The following ANK2 variants were observed in gnomAD, a reference collection of about 807,000 sequenced individuals.
ANK2 encodes the protein ankyrin-2.
A neutral mutation model predicts 360.5 loss-of-function variants in ANK2; 83 were observed. The ratio of observed to expected loss-of-function variants is 0.23; its 90% CI spans 0.19 to 0.28. The LOEUF is 0.28. Ranked by LOEUF, ANK2 falls within the 10% of genes least tolerant of loss-of-function variation. The probability of loss-of-function intolerance (pLI) is 1.00; values close to 1 mark genes in which losing one functional copy is unlikely to be tolerated. For missense variants in ANK2, 4,201 were observed against 4,795.7 expected, an observed-to-expected ratio of 0.88 and a Z score of 3.66; for synonymous variants, 1,740 against 1,759.5, an observed-to-expected ratio of 0.99 and a Z score of 0.28.
intron 22 of ANK2, among the ~76,000 whole-genome samples, chr4:113,301,096 A>G (rs1217593420): frequency 6.6e-6 from 1 of 152,064 alleles, no homozygotes; most frequent in East Asian, 1.9e-4. Flanking sequence ...AAACTAGACA[A>G]CCTATTTTTT....
chr4:112,977,447 T>C (rs964124291), intron 2 of ANK2, among the ~76,000 whole-genome samples: 1 of 152,078 alleles, frequency 6.6e-6, no homozygotes, highest in African/African-American at 2.4e-5. Context: ...GAGTGTAATG[T>C]CTTTCATGAA....
chr4:113,333,567 T>G (rs879165349), intron 29 of ANK2, among the ~76,000 whole-genome samples: 1 of 152,204 alleles, frequency 6.6e-6, no homozygotes, highest in Admixed American at 6.5e-5. Flanking sequence ...GAACTGATAC[T>G]GGATAATAAA....
upstream of ANK2, among the ~76,000 whole-genome samples, chr4:112,813,291 G>A (rs2055435508): frequency 6.7e-6 from 1 of 149,384 alleles, no homozygotes; most frequent in African/African-American, 2.5e-5. Flanking sequence ...ACTTTCAATG[G>A]AACAAAAACA....
chr4:112,711,389 C>G, the ANK2 span, among the ~76,000 whole-genome samples: 1 of 152,000 alleles, frequency 6.6e-6, no homozygotes, highest in South Asian at 2.1e-4. Context: ...TGGGTATGGT[C>G]GTGGGTGCCT....
intron 1 of ANK2, among the ~76,000 whole-genome samples, chr4:112,828,361 G>A (rs72906869): frequency 0.027 from 3,976 of 148,890 alleles, 158 homozygotes; most frequent in African/African-American, 0.092. Context: ...AGCCTCCCTC[G>A]TAGCTGGAAT....
intron 2 of ANK2, among the ~76,000 whole-genome samples, chr4:112,913,082 TA>T (rs958549301): frequency 2.0e-5 from 3 of 152,066 alleles, no homozygotes; most frequent in African/African-American, 7.2e-5. Context: ...TATGTAACCG[TA>T]AAAAAACTCA....
the ANK2 span, among the ~76,000 whole-genome samples, chr4:112,773,811 A>AT: frequency 1.3e-5 from 2 of 151,886 alleles, no homozygotes; most frequent in East Asian, 1.9e-4. Context: ...TAATTAATTT[A>AT]TTTTTTTGAT....
In ANK2 at chr4:112,941,279, G is replaced by GTA. The variant is rs561019491; in HGVS notation, c.21+36774_21+36775dup. Among the ~76,000 whole-genome samples, 206 of 146,272 alleles carry GTA rather than the reference G, an allele frequency of 1.4e-3. 1 individual carries two copies. Among genetic ancestry groups the GTA allele is most frequent in the African/African-American group, 4.8e-3 (192 of 40,326 alleles). On this transcript the variant is annotated intron_variant, in intron 2 of 30. Transcript: ENST00000503271. ...TAAAAGATACAGAAAAGATATATAGGTATATATATAAAGATATATAAATTT... is the reference window on the plus strand; with the variant it reads ...TAAAAGATACAGAAAAGATATATAGGTATATATATATAAAGATATATAAATTT...
chr4:113,038,498 C>T (rs780138758), intron 2 of ANK2, among the ~76,000 whole-genome samples: 1 of 151,918 alleles, frequency 6.6e-6, no homozygotes, highest in Non-Finnish European at 1.5e-5. Context: ...TCTGCTTTCT[C>T]TCTCTCTGGC....
intron 1 of ANK2, among the ~76,000 whole-genome samples, chr4:113,164,973 ATGT>A (rs1424111781): frequency 6.6e-6 from 1 of 152,174 alleles, no homozygotes; most frequent in Non-Finnish European, 1.5e-5. Flanking sequence ...CTCGACCCAA[ATGT>A]TGTTATAGGT....
chr4:112,951,986 G>A (rs2095052036), intron 2 of ANK2, among the ~76,000 whole-genome samples: 3 of 152,090 alleles, frequency 2.0e-5, no homozygotes, highest in South Asian at 4.1e-4. Context: ...TAAATCTGAC[G>A]TGTGATGTAC....
Position 113,353,616 on chromosome 4 carries a change from T to C in ANK2, c.4998T>C (p.Cys1666=), listed in dbSNP as rs773280654. The part of the protein sequence containing the change: ...QTVQDKAGKK[C]EALAVGRSSE... ...TTCAAGATAAGGCAGGGAAGAAATG[T>C]GAGGCTCTGGCTGTTGGCAGGAGCT... is the stretch of plus-strand genomic sequence containing the variant. Residue 1666 remains cysteine, a synonymous_variant, in exon 38 of 46, where the codon TGT becomes TGC. Coordinates refer to ENST00000357077, the MANE Select transcript of ANK2 (RefSeq NM_001148.6). The C allele has an allele frequency of 1.9e-6, 3 of 1,614,012 alleles. No individual in the cohort carries two copies. The South Asian group carries it at 3.3e-5, about 18-fold the overall frequency.
At chr4:112,817,487 A>C (rs1280279426), upstream of ANK2, among the ~76,000 whole-genome samples, 1 of 152,110 alleles carries the variant, frequency 6.6e-6, no homozygotes, top group East Asian at 1.9e-4. Context: ...TTTCTGTTGG[A>C]CTATATGTGA....
chr4:112,754,111 G>GTATATATATA, the ANK2 span, among the ~76,000 whole-genome samples: 402 of 111,372 alleles, frequency 3.6e-3, 8 homozygotes, highest in African/African-American at 0.013. Context: ...AAAAAAAAAA[G>GTATATATATA]TATATATATA....
At chr4:113,156,992 A>C (rs2097327769) in intron 1 of ANK2, among the ~76,000 whole-genome samples, 1 of 152,034 alleles carries the variant, frequency 6.6e-6, no homozygotes, top group Non-Finnish European at 1.5e-5. Flanking sequence ...AAAGGCATGA[A>C]AGGGCATAGA....
intron 23 of ANK2, among the ~76,000 whole-genome samples, chr4:113,308,377 G>A (rs2078250353): frequency 6.6e-6 from 1 of 152,152 alleles, no homozygotes; most frequent in South Asian, 2.1e-4. Context: ...GAAAATTTAG[G>A]TGGAGAAGTC....
Position 113,145,171 on chromosome 4 carries a change from A to T in ANK2, c.85-29245A>T, listed in dbSNP as rs547302105. On this transcript the variant is annotated intron_variant, in intron 1 of 45. Coordinates refer to ENST00000357077, the MANE Select transcript of ANK2 (RefSeq NM_001148.6). ...AAACTACACAATTATAAAAACCAAA[A>T]CTTCTATACCAGTGTCAGGTGAGCC... is the stretch of plus-strand genomic sequence containing the variant. 3.3e-5 allele frequency among the ~76,000 whole-genome samples: 5 copies of T among 152,244 alleles called. No homozygotes were observed. The East Asian group carries it at 9.7e-4, about 29-fold the overall frequency.
Position 113,307,724 on chromosome 4 carries a change from C to A in ANK2, c.2549-3531C>A, listed in dbSNP as rs2077941709. On this transcript the variant is annotated intron_variant, in intron 23 of 45. Transcript: ENST00000357077. ...GGCCGCCGTTCCACTTTAAGTTATT[C>A]CCATGCTATTGTCACCCGTGTCCTA... 2.0e-5 allele frequency among the ~76,000 whole-genome samples: 3 copies of A among 152,144 alleles called. No individual in the cohort carries two copies. The South Asian group carries it at 6.2e-4, about 32-fold the overall frequency.
In ANK2 at chr4:113,356,239, C is replaced by G. The variant is rs771463807; in HGVS notation, c.7621C>G (p.Pro2541Ala). The change falls in exon 38 of 46, where the codon CCC (proline) becomes GCC (alanine). Residue 2541 changes from proline (P) to alanine (A), a missense_variant. This residue lies in a region of ANK2 where 2,642 missense variants were observed against 2,714.5 expected (regional missense o/e 0.97). Transcript: ENST00000357077. The part of the protein sequence containing the change: ...SGKSPLSPDT[P>A]SSEEVSYEVT... ...GAAGAGCCCCCTTTCTCCTGACACC[C>G]CCAGCTCTGAAGAAGTCAGCTATGA... The G allele has an allele frequency of 3.1e-6, 5 of 1,613,936 alleles. No individual in the cohort carries two copies. The highest frequency in any genetic ancestry group is 4.2e-6 in the Non-Finnish European group (5 of 1,179,962).
Sources: allele counts gnomAD v4.1 joint callset (sites outside exome capture counted in the v4.1 genomes callset), GRCh38; gene constraint gnomAD v4.1.1; regional missense constraint gnomAD v4.1.1; transcripts MANE v1.5; gene names NCBI Gene and HGNC (gene_info 2026-07-23, HGNC 2026-07-21).